The following ERVMER34-1 variants were observed in gnomAD, a reference collection of about 807,000 sequenced individuals.
The protein encoded by ERVMER34-1 is endogenous retroviral envelope protein HEMO.
For missense variants in ERVMER34-1, 471 were observed against 295.1 expected, an observed-to-expected ratio of 1.60 and a Z score of -4.37; for synonymous variants, 199 against 111.7, an observed-to-expected ratio of 1.78 and a Z score of -4.93.
Position 52,743,999 on chromosome 4 carries a change from A to G in ERVMER34-1, c.1522T>C (p.Tyr508His). The change falls in exon 3 of 3, where the codon TAT (tyrosine) becomes CAT (histidine). Residue 508 changes from tyrosine to histidine, a missense_variant. Transcript: ENST00000443173. ...CGAGATTTGCGAAAGACACGAACATAGATTAAAACAAAGATGAATAAGCAG... is the reference window on the plus strand; with the variant it reads ...CGAGATTTGCGAAAGACACGAACATGGATTAAAACAAAGATGAATAAGCAG... ...LFCLFIFVLI[Y>H]VRVFRKSRRS... 1.4e-6 allele frequency: 1 copy of G among 725,820 alleles called. No individual in the cohort carries two copies. The highest frequency in any genetic ancestry group is 1.5e-5 in the South Asian group (1 of 68,040). 45.0% of individuals were successfully genotyped at this position (725,820 alleles called of 1,614,324 possible).
intron 2 of ERVMER34-1, among the ~76,000 whole-genome samples, chr4:52,747,555 C>T (rs1366838485): frequency 3.9e-5 from 6 of 152,188 alleles, no homozygotes; most frequent in Non-Finnish European, 8.8e-5. Context: ...TGGAGGTTAA[C>T]ATATACATCC....
rs1194393810 is a variant in ERVMER34-1 at position 52,745,597 on chromosome 4, A to G, written c.-77T>C. The G allele has an allele frequency of 1.6e-6, 1 of 638,168 alleles. No homozygotes were observed. The allele number at this position is 638,168 out of a possible 1,614,324, so 39.5% of individuals were successfully genotyped here. A position where few individuals can be genotyped will look rare whatever the true frequency, so the allele number is the denominator to read the frequency against. On this transcript the variant is annotated 5_prime_UTR_variant, in exon 3 of 3. Transcript: ENST00000443173. ...CAATGAAAGGGGAGGGTTTTGTTTAAATTTCTAAGTCAGAGAATTTTCCAG... is the reference window on the plus strand; with the variant it reads ...CAATGAAAGGGGAGGGTTTTGTTTAGATTTCTAAGTCAGAGAATTTTCCAG...
At position 52,745,612 on chromosome 4, in the gene ERVMER34-1, G is replaced by T; in HGVS notation, c.-92C>A. On this transcript the variant is annotated 5_prime_UTR_variant, in exon 3 of 3. Coordinates refer to ENST00000443173, the MANE Select transcript of ERVMER34-1 (RefSeq NM_001242690.2). ...GTTTTGTTTAAATTTCTAAGTCAGA[G>T]AATTTTCCAGGTTGAGGAGGGAAGA... 1 of 628,510 alleles carries T rather than the reference G, an allele frequency of 1.6e-6. No homozygotes were observed. The highest frequency in any genetic ancestry group is 2.8e-6 in the Non-Finnish European group (1 of 351,406). 38.9% of individuals were successfully genotyped at this position (628,510 alleles called of 1,614,324 possible).
chr4:52,743,047 G>T lies in ERVMER34-1; in HGVS notation c.*782C>A. On this transcript the variant is annotated 3_prime_UTR_variant, in exon 3 of 3. Coordinates refer to ENST00000443173, the MANE Select transcript of ERVMER34-1 (RefSeq NM_001242690.2). ...AATCTGTAAAATATGAACACCGAGA[G>T]GATTAACTAGAAAGATGCATGTAAG... 1 of 151,870 alleles carries T rather than the reference G, an allele frequency of 6.6e-6. No homozygotes were observed. Among genetic ancestry groups the T allele is most frequent in the East Asian group, 1.9e-4 (1 of 5,178 alleles). 9.4% of individuals were successfully genotyped at this position (151,870 alleles called of 1,614,324 possible). A position where few individuals can be genotyped will look rare whatever the true frequency, so the allele number is the denominator to read the frequency against.
At chr4:52,750,516 G>A (rs771069300) in intron 2 of ERVMER34-1, among the ~76,000 whole-genome samples, 1 of 152,048 alleles carries the variant, frequency 6.6e-6, no homozygotes, top group African/African-American at 2.4e-5. Context: ...CCCAGCTTGC[G>A]ACCCTCCTCT....
rs1237992352 is a variant in ERVMER34-1, at chr4:52,745,787, A to T, written c.-267T>A. ...AGCCTTGGCCTTCCAGTTGTCATATAATGATCTCAATCTAGCTTCCTGTGG... is the reference window on the plus strand; with the variant it reads ...AGCCTTGGCCTTCCAGTTGTCATATTATGATCTCAATCTAGCTTCCTGTGG... On this transcript the variant is annotated 5_prime_UTR_variant, in exon 3 of 3. Coordinates refer to ENST00000443173, the MANE Select transcript of ERVMER34-1 (RefSeq NM_001242690.2). The T allele has an allele frequency of 2.2e-6, 1 of 458,194 alleles. No homozygotes were observed. The highest frequency in any genetic ancestry group is 2.0e-5 in the African/African-American group (1 of 51,210). The allele number at this position is 458,194 out of a possible 1,614,324, so 28.4% of individuals were successfully genotyped here.
rs1218293099 is a variant in ERVMER34-1 at position 52,745,067 on chromosome 4, C to T, written c.454G>A (p.Asp152Asn). 1.4e-6 allele frequency: 1 copy of T among 704,134 alleles called. No individual in the cohort carries two copies. Among genetic ancestry groups the T allele is most frequent in the Non-Finnish European group, 2.6e-6 (1 of 385,006 alleles). The allele number at this position is 704,134 out of a possible 1,614,324, so 43.6% of individuals were successfully genotyped here. ...KQYCNQILWF[D>N]STDGTFMPSI... ...GGCATGAAGGTGCCATCTGTAGAATCAAACCATAGTATTTGATTACAGTAT... is the reference window on the plus strand; with the variant it reads ...GGCATGAAGGTGCCATCTGTAGAATTAAACCATAGTATTTGATTACAGTAT... The change falls in exon 3 of 3, where the codon GAT (aspartate) becomes AAT (asparagine). Residue 152 changes from aspartate to asparagine, a missense_variant. By Grantham distance (23) the Asp-to-Asn change is conservative. Coordinates refer to ENST00000443173, the MANE Select transcript of ERVMER34-1 (RefSeq NM_001242690.2).
At chr4:52,750,068 C>T (rs578256089) in intron 2 of ERVMER34-1, among the ~76,000 whole-genome samples, 72 of 151,962 alleles carry the variant, frequency 4.7e-4, no homozygotes, top group Non-Finnish European at 9.0e-4. Flanking sequence ...GTGCGATCTC[C>T]GCTCACCACA....
At chr4:52,749,890 A>G (rs891874355) in intron 2 of ERVMER34-1, among the ~76,000 whole-genome samples, 4 of 152,206 alleles carry the variant, frequency 2.6e-5, no homozygotes, top group African/African-American at 7.2e-5. Flanking sequence ...GTGAAAGAGA[A>G]AACGTACACT....
Position 52,744,707 on chromosome 4 carries a change from CTT to C in ERVMER34-1, c.812_813del (p.Lys271ArgfsTer3). 1 of 704,122 alleles carries C rather than the reference CTT, an allele frequency of 1.4e-6. No individual in the cohort carries two copies. Among genetic ancestry groups the C allele is most frequent in the East Asian group, 2.7e-5 (1 of 37,294 alleles). 43.6% of individuals were successfully genotyped at this position (704,122 alleles called of 1,614,324 possible). A position where few individuals can be genotyped will look rare whatever the true frequency, so the allele number is the denominator to read the frequency against. ...GTGGGGGTCCGGTGTCCATCATGAC[CTT>C]TGTCATTAGTTATGCTGGCATCTGC... Reference protein sequence around the residue: ...RCADASITNDKGHDGHRTPTW... With the variant: ...RCADASITNDXGHDGHRTPTW... On this transcript the variant is annotated frameshift_variant, in exon 3 of 3. Coordinates refer to ENST00000443173, the MANE Select transcript of ERVMER34-1 (RefSeq NM_001242690.2). LOFTEE classifies it low-confidence loss of function (END_TRUNC).
chr4:52,746,834 G>A lies in ERVMER34-1; in HGVS notation c.-423-891C>T, dbSNP rs186947390. Among the ~76,000 whole-genome samples the A allele has an allele frequency of 1.3e-3, 203 of 152,306 alleles. 1 individual carries two copies. The highest frequency in any genetic ancestry group is 3.4e-3 in the Middle Eastern group (1 of 294). ...ATGCTATGGATGCCAAGAGCCAACTGTCTTTTGGCTCTTTTTGGCTCTTTT... is the reference window on the plus strand; with the variant it reads ...ATGCTATGGATGCCAAGAGCCAACTATCTTTTGGCTCTTTTTGGCTCTTTT... On this transcript the variant is annotated intron_variant, in intron 2 of 2. Transcript: ENST00000443173.
chr4:52,743,765 C>T lies in ERVMER34-1; in HGVS notation c.*64G>A. The T allele has an allele frequency of 1.4e-6, 2 of 1,416,266 alleles. No homozygotes were observed. Among genetic ancestry groups the T allele is most frequent in the Non-Finnish European group, 9.3e-7 (1 of 1,080,482 alleles). The allele number at this position is 1,416,266 out of a possible 1,614,324, so 87.7% of individuals were successfully genotyped here. A position where few individuals can be genotyped will look rare whatever the true frequency, so the allele number is the denominator to read the frequency against. ...TTGGCAGCTGAATTCTCGGTAAGAC[C>T]TGCTTTACTCATCAAAGTTTAGCTA... On this transcript the variant is annotated 3_prime_UTR_variant, in exon 3 of 3. Coordinates refer to ENST00000443173, the MANE Select transcript of ERVMER34-1 (RefSeq NM_001242690.2).
chr4:52,744,738 T>C lies in ERVMER34-1; in HGVS notation c.783A>G (p.Arg261=). 1.4e-6 allele frequency: 1 copy of C among 704,142 alleles called. No individual in the cohort carries two copies. Among genetic ancestry groups the C allele is most frequent in the Non-Finnish European group, 2.6e-6 (1 of 385,008 alleles). 43.6% of individuals were successfully genotyped at this position (704,142 alleles called of 1,614,324 possible). A position where few individuals can be genotyped will look rare whatever the true frequency, so the allele number is the denominator to read the frequency against. The change falls in exon 3 of 3, where the codon AGA becomes AGG. Residue 261 remains arginine (R), a synonymous_variant. Coordinates refer to ENST00000443173, the MANE Select transcript of ERVMER34-1 (RefSeq NM_001242690.2). ...CATTAGTTATGCTGGCATCTGCACATCTCCATTTCCCATGTGCCTCTGTCA... is the reference window on the plus strand; with the variant it reads ...CATTAGTTATGCTGGCATCTGCACACCTCCATTTCCCATGTGCCTCTGTCA... ...YGLTEAHGKW[R]CADASITNDK...
intron 2 of ERVMER34-1, among the ~76,000 whole-genome samples, chr4:52,750,130 C>G (rs1251469776): frequency 6.6e-6 from 1 of 152,128 alleles, no homozygotes; most frequent in African/African-American, 2.4e-5. Flanking sequence ...TCCCGGCTAG[C>G]TGGAATTACA....
rs374674046 is a variant in ERVMER34-1 at position 52,744,214 on chromosome 4, G to A, written c.1307C>T (p.Ala436Val). ...ACACTGTTTGCCAACAGTTCCACAA[G>A]CCGTTTGTCGTTGGGTGGTCGGTAT... ...LDIPTTQRQT[A>V]CGTVGKQCCL... The change falls in exon 3 of 3, where the codon GCT (alanine) becomes GTT (valine). Residue 436 changes from alanine to valine, a missense_variant. By Grantham distance (64) the Ala-to-Val change is moderately conservative. Transcript: ENST00000443173. 4.3e-6 allele frequency: 3 copies of A among 703,972 alleles called. No homozygotes were observed. Among genetic ancestry groups the A allele is most frequent in the Non-Finnish European group, 7.8e-6 (3 of 385,008 alleles). 43.6% of individuals were successfully genotyped at this position (703,972 alleles called of 1,614,324 possible). A position where few individuals can be genotyped will look rare whatever the true frequency, so the allele number is the denominator to read the frequency against.
rs1716100797 is a variant in ERVMER34-1, at chr4:52,744,629, A to T, written c.892T>A (p.Phe298Ile). Residue 298 changes from phenylalanine (F) to isoleucine (I), a missense_variant, in exon 3 of 3, where the codon TTT becomes ATT. Coordinates refer to ENST00000443173, the MANE Select transcript of ERVMER34-1 (RefSeq NM_001242690.2). ...LTLSVNNSGL[F>I]FLCGNGVYKG... The stretch of plus-strand genomic sequence containing the variant: ...TACACCCCATTGCCGCACAAAAAAA[A>T]GAGGCCAGAGTTGTTCACAGACAAG... 1 of 704,040 alleles carries T rather than the reference A, an allele frequency of 1.4e-6. No individual in the cohort carries two copies. The highest frequency in any genetic ancestry group is 2.0e-5 in the Admixed American group (1 of 49,994). 43.6% of individuals were successfully genotyped at this position (704,040 alleles called of 1,614,324 possible). A position where few individuals can be genotyped will look rare whatever the true frequency, so the allele number is the denominator to read the frequency against.
Position 52,745,454 on chromosome 4 carries a change from G to A in ERVMER34-1, c.67C>T (p.Gln23Ter), listed in dbSNP as rs1261597430. Residue 23 changes from glutamine (Q) to a stop codon, truncating the protein, a stop_gained, in exon 3 of 3, where the codon CAA becomes TAA. Coordinates refer to ENST00000443173, the MANE Select transcript of ERVMER34-1 (RefSeq NM_001242690.2). LOFTEE classifies it low-confidence loss of function (END_TRUNC). ...ACTGGAGCAAGCAGGTGCTGAGGTT[G>A]TACTAGAATTGTCAAAAAAGCAGTA... is the stretch of plus-strand genomic sequence containing the variant. ...TLTAFLTILV[Q>*]PQHLLAPVFR... 8 of 704,094 alleles carry A rather than the reference G, an allele frequency of 1.1e-5. No individual in the cohort carries two copies. The highest frequency in any genetic ancestry group is 2.1e-5 in the Non-Finnish European group (8 of 384,984). 43.6% of individuals were successfully genotyped at this position (704,094 alleles called of 1,614,324 possible).
intron 2 of ERVMER34-1, among the ~76,000 whole-genome samples, chr4:52,747,581 A>G (rs1716184924): frequency 6.6e-6 from 1 of 152,164 alleles, no homozygotes. Flanking sequence ...CTTGAGTGAA[A>G]TGAAATGACC....
intron 2 of ERVMER34-1, among the ~76,000 whole-genome samples, chr4:52,746,708 A>T (rs1280893413): frequency 6.6e-6 from 1 of 152,104 alleles, no homozygotes; most frequent in African/African-American, 2.4e-5. Context: ...AGTACCATAA[A>T]AGGCAGTGTG....
Sources: gnomAD v4.1 joint callset for allele counts (sites outside exome capture counted in the v4.1 genomes callset) on GRCh38, gnomAD v4.1.1 for gene constraint, MANE v1.5 for transcripts, NCBI Gene and HGNC (gene_info 2026-07-23, HGNC 2026-07-21) for gene names.